Variants in TBCK observed in about 807,000 individuals in gnomAD.
The protein encoded by TBCK is TBC domain-containing protein kinase-like protein.
Under a neutral mutation model 113.4 loss-of-function variants are expected in TBCK, and 99 were observed. That is an observed-to-expected ratio of 0.87 (90% CI 0.74 to 1.03). TBCK has a LOEUF of 1.03. TBCK is among the 50% of genes least tolerant of loss of function. TBCK has a pLI of 0.00. For synonymous variants in TBCK, 369 were observed against 370.8 expected, an observed-to-expected ratio of 1.00 and a Z score of 0.05; for missense variants, 1,045 against 1,061.3, an observed-to-expected ratio of 0.98 and a Z score of 0.21.
chr4:106,125,574 G>A (rs1169391551), intron 23 of TBCK, among the ~76,000 whole-genome samples: 1 of 152,084 alleles, frequency 6.6e-6, no homozygotes, highest in Non-Finnish European at 1.5e-5. Context: ...TGGAATTGGA[G>A]GTCATCATGT....
chr4:106,264,981 C>T (rs1365729166), intron 3 of TBCK, among the ~76,000 whole-genome samples: 1 of 151,890 alleles, frequency 6.6e-6, no homozygotes, highest in Admixed American at 6.6e-5. Context: ...TGCAGACATC[C>T]TGTCACTCTT....
chr4:106,264,200 C>T (rs1033471871), intron 3 of TBCK, among the ~76,000 whole-genome samples: 1 of 150,648 alleles, frequency 6.6e-6, no homozygotes, highest in African/African-American at 2.4e-5. Context: ...GAAGGTGAAA[C>T]AAATAAGTAA....
intron 22 of TBCK, among the ~76,000 whole-genome samples, chr4:106,192,570 T>C (rs1056371365): frequency 1.3e-5 from 2 of 152,106 alleles, no homozygotes; most frequent in African/African-American, 4.8e-5. Context: ...ATGATAATAG[T>C]TTCAATTTTG....
chr4:106,087,591 C>T (rs1487142195), intron 25 of TBCK, among the ~76,000 whole-genome samples: 1 of 152,206 alleles, frequency 6.6e-6, no homozygotes, highest in Non-Finnish European at 1.5e-5. Flanking sequence ...TTTTAAATTT[C>T]ATATGAAATC....
chr4:106,191,799 C>T (rs1054686498), intron 22 of TBCK, among the ~76,000 whole-genome samples: 1 of 152,154 alleles, frequency 6.6e-6, no homozygotes, highest in Admixed American at 6.5e-5. Flanking sequence ...GCTGACACTA[C>T]ATCAACTAAA....
chr4:106,048,775 C>T (rs1734483791), intron 25 of TBCK, among the ~76,000 whole-genome samples: 1 of 152,118 alleles, frequency 6.6e-6, no homozygotes, highest in Admixed American at 6.6e-5. Flanking sequence ...TGCAACTAAT[C>T]TCCCTTAAAC....
intron 3 of TBCK, among the ~76,000 whole-genome samples, chr4:106,278,558 CAAAAAAAAA>C (rs376599844): frequency 0.026 from 581 of 22,162 alleles, 6 homozygotes; most frequent in African/African-American, 0.093. Context: ...AACTCTGTCT[CAAAAAAAAA>C]AAAAAAAAAA....
At chr4:106,082,176 T>G (rs1409256194) in intron 25 of TBCK, among the ~76,000 whole-genome samples, 1 of 152,152 alleles carries the variant, frequency 6.6e-6, no homozygotes, top group African/African-American at 2.4e-5. Context: ...CTATTCACAA[T>G]AGCAAAGACA....
chr4:106,310,741 A>G (rs1424657248), intron 1 of TBCK, among the ~76,000 whole-genome samples: 1 of 152,176 alleles, frequency 6.6e-6, no homozygotes, highest in South Asian at 2.1e-4. Context: ...TTAAATAATG[A>G]GTTGTCTGAG....
In TBCK at chr4:106,230,345, T is replaced by C; in HGVS notation, c.1774+18A>G. On this transcript the variant is annotated intron_variant, in intron 19 of 25. Transcript: ENST00000394708. ...TCAGTAGTTTCTCTGTAGAAAGACA[T>C]GGAAGACATTTGCTTACCTTGTATT... The C allele has an allele frequency of 6.7e-7, 1 of 1,494,810 alleles. No individual in the cohort carries two copies. Among genetic ancestry groups the C allele is most frequent in the Non-Finnish European group, 9.2e-7 (1 of 1,085,708 alleles). 92.6% of individuals were successfully genotyped at this position (1,494,810 alleles called of 1,614,324 possible). A position where few individuals can be genotyped will look rare whatever the true frequency, so the allele number is the denominator to read the frequency against.
chr4:106,207,255 A>G (rs574074100), intron 20 of TBCK, among the ~76,000 whole-genome samples: 39 of 152,238 alleles, frequency 2.6e-4, no homozygotes, highest in Non-Finnish European at 5.3e-4. Flanking sequence ...AGTGCTCAGT[A>G]TTCAGAGTTC....
chr4:106,213,113 CT>C (rs1258833953), intron 19 of TBCK, among the ~76,000 whole-genome samples: 1 of 152,138 alleles, frequency 6.6e-6, no homozygotes, highest in Non-Finnish European at 1.5e-5. Context: ...TCCTGTTAAA[CT>C]CTACAAGCAC....
intron 25 of TBCK, among the ~76,000 whole-genome samples, chr4:106,061,474 A>G (rs1736043314): frequency 7.1e-6 from 1 of 140,062 alleles, no homozygotes; most frequent in Non-Finnish European, 1.6e-5. Flanking sequence ...GCATTTTTTG[A>G]TTAAGGTATG....
chr4:106,056,142 A>C (rs1735357137), intron 25 of TBCK, among the ~76,000 whole-genome samples: 1 of 151,458 alleles, frequency 6.6e-6, no homozygotes, highest in Non-Finnish European at 1.5e-5. Flanking sequence ...CTTCAAATTC[A>C]ATATGTCCAA....
Position 106,197,341 on chromosome 4 carries a change from AGT to A in TBCK, c.1861-2589_1861-2588del, listed in dbSNP as rs34095868. ...CTCAAATCTTTGCTAATTACTGAAGAGTGTGTGTGTGTGTGTGTGTGTGTGTA... is the reference window on the plus strand; with the variant it reads ...CTCAAATCTTTGCTAATTACTGAAGAGTGTGTGTGTGTGTGTGTGTGTGTA... On this transcript the variant is annotated intron_variant, in intron 20 of 25. Coordinates refer to ENST00000394708, the MANE Select transcript of TBCK (RefSeq NM_001163435.3). Among the ~76,000 whole-genome samples, 976 of 142,236 alleles carry A rather than the reference AGT, an allele frequency of 6.9e-3. 7 individuals carry two copies. The highest frequency in any genetic ancestry group is 0.021 in the African/African-American group (792 of 37,998). 93.3% of individuals were successfully genotyped at this position (142,236 alleles called of 152,430 possible).
intron 1 of TBCK, 41 bp from the exon 2 acceptor site, chr4:106,309,030 C>G: frequency 7.6e-7 from 1 of 1,315,472 alleles, no homozygotes; most frequent in Non-Finnish European, 1.0e-6. Context: ...AAACATTAAG[C>G]CAGACAGACC....
In TBCK at chr4:106,199,066, T is replaced by C. The variant is rs182202954; in HGVS notation, c.1861-4312A>G. ...ATAGGCTATAGCAGTGAACAAAGCATAGTTCCAGGCTACAGGGAACTTACA... is the reference window on the plus strand; with the variant it reads ...ATAGGCTATAGCAGTGAACAAAGCACAGTTCCAGGCTACAGGGAACTTACA... On this transcript the variant is annotated intron_variant, in intron 20 of 25. Transcript: ENST00000394708. Among the ~76,000 whole-genome samples, 147 of 152,278 alleles carry C rather than the reference T, an allele frequency of 9.7e-4. 1 individual carries two copies. Among genetic ancestry groups the C allele is most frequent in the African/African-American group, 3.5e-3 (145 of 41,578 alleles).
chr4:106,055,220 C>G (rs1167385310), intron 25 of TBCK, among the ~76,000 whole-genome samples: 1 of 151,398 alleles, frequency 6.6e-6, no homozygotes, highest in Non-Finnish European at 1.5e-5. Flanking sequence ...CAAAACTGCT[C>G]TGTTCAAAGA....
intron 22 of TBCK, among the ~76,000 whole-genome samples, chr4:106,180,313 C>T (rs571785167): frequency 6.6e-6 from 1 of 151,928 alleles, no homozygotes; most frequent in African/African-American, 2.4e-5. Flanking sequence ...TTTGTAGACA[C>T]TTTCTTCCTT....
Sources: allele counts gnomAD v4.1 joint callset (sites outside exome capture counted in the v4.1 genomes callset), GRCh38; gene constraint gnomAD v4.1.1; transcripts MANE v1.5; gene names NCBI Gene and HGNC (gene_info 2026-07-23, HGNC 2026-07-21).